The following LRRN3 variants were observed in gnomAD, a reference collection of about 807,000 sequenced individuals.
LRRN3 encodes leucine rich repeat neuronal 3.
A neutral mutation model predicts 40.1 loss-of-function variants in LRRN3; 15 were observed. The observed-to-expected ratio is 0.37, with a 90% CI of 0.25 to 0.58. LRRN3 has a LOEUF of 0.58. LRRN3 is among the 20% of genes least tolerant of loss of function. The pLI is 0.72. For synonymous variants in LRRN3, 308 were observed against 297.2 expected (o/e 1.04, Z -0.37); for missense variants, 746 against 837.7 (o/e 0.89, Z 1.35).
At chr7:111,109,826 T>C (rs184185245) in intron 2 of LRRN3, among the ~76,000 whole-genome samples, 24 of 152,244 alleles carry the variant, frequency 1.6e-4, no homozygotes, top group African/African-American at 5.3e-4. Context: ...CTGAAGTTAA[T>C]GGAAAGGGCC....
chr7:111,120,214 G>C (rs1229628240), intron 2 of LRRN3, among the ~76,000 whole-genome samples: 2 of 152,022 alleles, frequency 1.3e-5, no homozygotes, highest in African/African-American at 4.8e-5. Context: ...GCATTAATCC[G>C]TTCTCATGCT....
intron 2 of LRRN3, among the ~76,000 whole-genome samples, chr7:111,103,351 ACTG>A (rs1208131084): frequency 1.3e-5 from 2 of 151,646 alleles, no homozygotes; most frequent in Non-Finnish European, 3.0e-5. Flanking sequence ...ATATTTGCCA[ACTG>A]CTAATAGTTT....
At position 111,123,321 on chromosome 7, in the gene LRRN3, G is replaced by C; in HGVS notation, c.549G>C (p.Trp183Cys). 1 of 1,613,804 alleles carries C rather than the reference G, an allele frequency of 6.2e-7. No individual in the cohort carries two copies. The highest frequency in any genetic ancestry group is 8.5e-7 in the Non-Finnish European group (1 of 1,179,920). ...SNRLQMINSK[W>C]FDALPNLEIL... ...GATTGCAGATGATCAACAGTAAGTG[G>C]TTTGATGCTCTTCCAAATCTAGAGA... The change falls in exon 3 of 3, where the codon TGG (tryptophan) becomes TGC (cysteine). Residue 183 changes from tryptophan to cysteine, a missense_variant. Coordinates refer to ENST00000308478, the MANE Select transcript of LRRN3 (RefSeq NM_001099658.2). This position sits in a 1 kb window ranked among gnomAD's most constrained non-coding sequence, Gnocchi z 6.4.
At chr7:111,114,730 C>T (rs1173715290) in intron 2 of LRRN3, among the ~76,000 whole-genome samples, 1 of 136,124 alleles carries the variant, frequency 7.3e-6, no homozygotes, top group South Asian at 2.2e-4. Flanking sequence ...ACAGGCGAGA[C>T]TCCATCTCAA....
chr7:111,091,747 AT>A (rs942519060), intron 1 of LRRN3, among the ~76,000 whole-genome samples: 26 of 151,820 alleles, frequency 1.7e-4, no homozygotes, highest in African/African-American at 6.1e-4. Context: ...CCATTAGAGG[AT>A]GTGAGTGGGA....
At chr7:111,114,265 C>G (rs949697823) in intron 2 of LRRN3, among the ~76,000 whole-genome samples, 1 of 152,022 alleles carries the variant, frequency 6.6e-6, no homozygotes, top group Non-Finnish European at 1.5e-5. Flanking sequence ...TTGTACAGCT[C>G]CTAAGGATCT....
chr7:111,115,969 A>G (rs1167522453), intron 2 of LRRN3, among the ~76,000 whole-genome samples: 2 of 152,066 alleles, frequency 1.3e-5, no homozygotes, highest in Non-Finnish European at 2.9e-5. Flanking sequence ...GAGCCACCAC[A>G]TCCGGCCGGA....
rs1271833676 is a variant in LRRN3, at chr7:111,122,715, C to T, written c.-58C>T. On this transcript the variant is annotated 5_prime_UTR_variant, in exon 3 of 3. Coordinates refer to ENST00000308478, the MANE Select transcript of LRRN3 (RefSeq NM_001099658.2). ...TATCAATCAGCTCCTATTGAACTTA[C>T]TAGCACTGACTGTGGAATCCTTAAG... 4 of 1,355,968 alleles carry T rather than the reference C, an allele frequency of 2.9e-6. No individual in the cohort carries two copies. In the East Asian group the frequency reaches 6.9e-5, roughly 23 times the overall value. 84.0% of individuals were successfully genotyped at this position (1,355,968 alleles called of 1,614,324 possible). A position where few individuals can be genotyped will look rare whatever the true frequency, so the allele number is the denominator to read the frequency against.
At position 111,122,683 on chromosome 7, in the gene LRRN3, T is replaced by C. The variant is rs1800794741; in HGVS notation, c.-90T>C. On this transcript the variant is annotated 5_prime_UTR_variant, in exon 3 of 3. Coordinates refer to ENST00000308478, the MANE Select transcript of LRRN3 (RefSeq NM_001099658.2). ...ATTCATCATTTGACAAATGCAAGCA[T>C]CTTCCTTATCAATCAGCTCCTATTG... is the stretch of plus-strand genomic sequence containing the variant. The C allele has an allele frequency of 9.9e-7, 1 of 1,006,702 alleles. No homozygotes were observed. Among genetic ancestry groups the C allele is most frequent in the Non-Finnish European group, 1.5e-6 (1 of 672,846 alleles). 62.4% of individuals were successfully genotyped at this position (1,006,702 alleles called of 1,614,324 possible).
chr7:111,119,664 T>C (rs1008276499), intron 2 of LRRN3, among the ~76,000 whole-genome samples: 3 of 152,224 alleles, frequency 2.0e-5, no homozygotes, highest in African/African-American at 7.2e-5. Context: ...TTAAGTAACA[T>C]GTAAAAGGAT....
At chr7:111,101,177 G>C (rs971841854) in intron 2 of LRRN3, among the ~76,000 whole-genome samples, 1 of 151,304 alleles carries the variant, frequency 6.6e-6, no homozygotes, top group Non-Finnish European at 1.5e-5. Flanking sequence ...ACTTGATATA[G>C]ACTTTTATGT....
Position 111,124,843 on chromosome 7 carries a change from A to T in LRRN3, c.2071A>T (p.Ser691Cys). ...INLWEAGKEKSTSLKVKATVI... is the reference protein window; with the variant it reads ...INLWEAGKEKCTSLKVKATVI... Reference sequence around the variant, plus strand: ...TCTCTGGGAAGCAGGAAAAGAAAAAAGTACATCACTGAAAGTAAAAGCAAC... The same window carrying T: ...TCTCTGGGAAGCAGGAAAAGAAAAATGTACATCACTGAAAGTAAAAGCAAC... The change falls in exon 3 of 3, where the codon AGT (serine) becomes TGT (cysteine). Residue 691 changes from serine to cysteine, a missense_variant. Transcript: ENST00000308478. The T allele has an allele frequency of 2.5e-6, 4 of 1,612,260 alleles. No homozygotes were observed. The highest frequency in any genetic ancestry group is 3.4e-6 in the Non-Finnish European group (4 of 1,179,776).
intron 1 of LRRN3, among the ~76,000 whole-genome samples, chr7:111,098,038 G>T (rs1797589228): frequency 6.6e-6 from 1 of 151,750 alleles, no homozygotes; most frequent in Admixed American, 6.6e-5. Flanking sequence ...AGAATGGAAA[G>T]AGCAAAACAA....
chr7:111,102,817 G>T (rs370535424), intron 2 of LRRN3, among the ~76,000 whole-genome samples: 5 of 151,460 alleles, frequency 3.3e-5, no homozygotes, highest in African/African-American at 1.2e-4. Flanking sequence ...CTTTGCTAGG[G>T]TCATAAAAGA....
At chr7:111,093,452 T>C (rs537106509) in intron 1 of LRRN3, among the ~76,000 whole-genome samples, 53 of 152,324 alleles carry the variant, frequency 3.5e-4, no homozygotes, top group Non-Finnish European at 7.1e-4. Flanking sequence ...AACCCTCTGA[T>C]TTCAAACTCC....
intron 2 of LRRN3, among the ~76,000 whole-genome samples, chr7:111,118,671 T>C (rs541798381): frequency 7.9e-5 from 12 of 152,196 alleles, no homozygotes; most frequent in Admixed American, 2.6e-4. Flanking sequence ...AAGAAGATAC[T>C]ATTATTACTT....
In LRRN3 at chr7:111,111,669, G is replaced by A. The variant is rs149410102; in HGVS notation, c.-358-10746G>A. Among the ~76,000 whole-genome samples, 697 of 151,858 alleles carry A rather than the reference G, an allele frequency of 4.6e-3. 3 individuals carry two copies. The highest frequency in any genetic ancestry group is 7.3e-3 in the Non-Finnish European group (495 of 67,966). ...TGAATCAACTAATGTCCCCCCCTGC[G>A]TCAATAGTAATTTTAAATGAATTCA... is the stretch of plus-strand genomic sequence containing the variant. On this transcript the variant is annotated intron_variant, in intron 2 of 2. Coordinates refer to ENST00000308478, the MANE Select transcript of LRRN3 (RefSeq NM_001099658.2).
chr7:111,096,743 A>G lies in LRRN3; in HGVS notation c.-440-3138A>G, dbSNP rs144925659. Among the ~76,000 whole-genome samples the G allele has an allele frequency of 3.5e-3, 525 of 151,984 alleles. 2 individuals carry two copies. Among genetic ancestry groups the G allele is most frequent in the African/African-American group, 0.012 (500 of 41,518 alleles). On this transcript the variant is annotated intron_variant, in intron 1 of 2. Transcript: ENST00000308478. ...CTCCAAAGTCACTTAAGAACCCCCA[A>G]TGGATCAAGTGTCAACATAAAAGCA...
chr7:111,109,839 TAA>T (rs544671424), intron 2 of LRRN3, among the ~76,000 whole-genome samples: 13 of 152,136 alleles, frequency 8.5e-5, no homozygotes, highest in Non-Finnish European at 1.8e-4. Flanking sequence ...AAAGGGCCCT[TAA>T]AAAGTCTTCA....
Sources: allele counts gnomAD v4.1 joint callset (sites outside exome capture counted in the v4.1 genomes callset), GRCh38; gene constraint gnomAD v4.1.1; non-coding constraint Gnocchi (gnomAD v3.1); transcripts MANE v1.5; gene names NCBI Gene and HGNC (gene_info 2026-07-23, HGNC 2026-07-21).